The following SCHIP1 variants were observed in gnomAD, a reference collection of about 807,000 sequenced individuals.
The protein encoded by SCHIP1 is schwannomin interacting protein 1.
A neutral mutation model predicts 29.7 loss-of-function variants in SCHIP1; 8 were observed. The observed-to-expected ratio is 0.27, with a 90% confidence interval of 0.16 to 0.49. The LOEUF is 0.49. Among genes scored for constraint, SCHIP1 ranks in the 20% least tolerant of loss-of-function variants. The pLI is 0.99. For missense variants in SCHIP1, 193 were observed against 294.6 expected (o/e 0.66, Z 2.52); for synonymous variants, 76 against 94.9 (o/e 0.80, Z 1.16).
chr3:159,638,630 A>G, the SCHIP1 span, among the ~76,000 whole-genome samples: 1 of 151,666 alleles, frequency 6.6e-6, no homozygotes, highest in South Asian at 2.1e-4. Context: ...AAAAAAAAAA[A>G]ACAGCTAGAG....
chr3:159,310,624 C>A, the SCHIP1 span, among the ~76,000 whole-genome samples: 1 of 152,060 alleles, frequency 6.6e-6, no homozygotes. Flanking sequence ...TTTTTATGGA[C>A]AGACTGTATA....
the SCHIP1 span, among the ~76,000 whole-genome samples, chr3:159,539,139 G>A: frequency 1.3e-5 from 2 of 152,086 alleles, no homozygotes; most frequent in Non-Finnish European, 2.9e-5. Flanking sequence ...TGGCATATTA[G>A]AGAACGCAGT....
the SCHIP1 span, among the ~76,000 whole-genome samples, chr3:159,709,758 G>A: frequency 1.3e-5 from 2 of 152,204 alleles, no homozygotes. Context: ...GAAGCAGAGG[G>A]AACTAAGGAA....
At chr3:159,363,948 AT>A in the SCHIP1 span, among the ~76,000 whole-genome samples, 3 of 152,356 alleles carry the variant, frequency 2.0e-5, no homozygotes, top group East Asian at 5.8e-4. Context: ...ACTCTTCAAC[AT>A]TTTTAAAATG....
chr3:159,764,479 G>A, the SCHIP1 span: 1 of 1,591,126 alleles, frequency 6.3e-7, no homozygotes, highest in Non-Finnish European at 8.5e-7. The surrounding 1 kb of genome is among the most constrained non-coding windows in gnomAD (Gnocchi z 6.1). Flanking sequence ...AGGCAGTGAC[G>A]CCGGCAGCAG....
At chr3:159,465,383 G>A in the SCHIP1 span, among the ~76,000 whole-genome samples, 1 of 151,564 alleles carries the variant, frequency 6.6e-6, no homozygotes, top group Non-Finnish European at 1.5e-5. Flanking sequence ...GAGAAAGAGA[G>A]AGAAAGAGAG....
chr3:159,588,953 T>C, the SCHIP1 span, among the ~76,000 whole-genome samples: 1 of 152,328 alleles, frequency 6.6e-6, no homozygotes, highest in South Asian at 2.1e-4. Flanking sequence ...TGGGCTCTTT[T>C]TTGGTTGCAT....
chr3:159,475,888 C>A, the SCHIP1 span, among the ~76,000 whole-genome samples: 5 of 152,120 alleles, frequency 3.3e-5, no homozygotes, highest in African/African-American at 1.2e-4. Flanking sequence ...GCTTTCATAA[C>A]AAGGTCTTGG....
At chr3:159,800,746 G>A in the SCHIP1 span, among the ~76,000 whole-genome samples, 8 of 151,080 alleles carry the variant, frequency 5.3e-5, no homozygotes, top group African/African-American at 1.9e-4. Flanking sequence ...GCAGAGGTAT[G>A]TGTGCGAGCT....
chr3:159,498,295 G>A, the SCHIP1 span, among the ~76,000 whole-genome samples: 7 of 152,246 alleles, frequency 4.6e-5, no homozygotes, highest in East Asian at 1.4e-3. Flanking sequence ...AGGAATAATT[G>A]TCTTGTTCAA....
chr3:159,527,703 G>GA, the SCHIP1 span, among the ~76,000 whole-genome samples: 1 of 152,184 alleles, frequency 6.6e-6, no homozygotes, highest in African/African-American at 2.4e-5. Flanking sequence ...AAATGGATCT[G>GA]AAAATCTATT....
the SCHIP1 span, among the ~76,000 whole-genome samples, chr3:159,558,481 A>G: frequency 6.6e-6 from 1 of 152,234 alleles, no homozygotes; most frequent in Non-Finnish European, 1.5e-5. Context: ...CAGGACAATA[A>G]GAGAATCTGG....
At chr3:159,679,547 T>C in the SCHIP1 span, among the ~76,000 whole-genome samples, 7 of 152,326 alleles carry the variant, frequency 4.6e-5, no homozygotes, top group African/African-American at 1.7e-4. Flanking sequence ...GGAGGATCCG[T>C]GTCTGGCCTT....
At chr3:159,411,346 G>C in the SCHIP1 span, among the ~76,000 whole-genome samples, 2 of 152,048 alleles carry the variant, frequency 1.3e-5, no homozygotes, top group African/African-American at 4.8e-5. Flanking sequence ...CATTTATCTT[G>C]ATGTGATTGT....
At chr3:159,401,137 G>T in the SCHIP1 span, 1 of 966,338 alleles carries the variant, frequency 1.0e-6, no homozygotes, top group Non-Finnish European at 1.2e-6. Flanking sequence ...CAACTTGAAG[G>T]CCTCAAGTGT....
the SCHIP1 span, among the ~76,000 whole-genome samples, chr3:159,686,697 G>A: frequency 5.3e-5 from 8 of 152,154 alleles, no homozygotes; most frequent in Admixed American, 3.3e-4. Flanking sequence ...TAATCCATAT[G>A]AGAAATTTTT....
the SCHIP1 span, among the ~76,000 whole-genome samples, chr3:159,327,742 G>A: frequency 6.6e-6 from 1 of 152,118 alleles, no homozygotes; most frequent in Non-Finnish European, 1.5e-5. Context: ...ATTGTGGAAT[G>A]AGACTCTGGT....
At chr3:159,389,314 C>T in the SCHIP1 span, among the ~76,000 whole-genome samples, 1 of 151,964 alleles carries the variant, frequency 6.6e-6, no homozygotes, top group Non-Finnish European at 1.5e-5. Context: ...TTTTTCCAAA[C>T]ATTACTAATC....
the SCHIP1 span, among the ~76,000 whole-genome samples, chr3:159,581,871 A>G: frequency 6.6e-6 from 1 of 152,180 alleles, no homozygotes; most frequent in South Asian, 2.1e-4. Context: ...TTCTATAAAC[A>G]GTATAATCAC....
Sources: allele counts gnomAD v4.1 joint callset (sites outside exome capture counted in the v4.1 genomes callset), GRCh38; gene constraint gnomAD v4.1.1; non-coding constraint Gnocchi (gnomAD v3.1); transcripts MANE v1.5; gene names NCBI Gene and HGNC (gene_info 2026-07-23, HGNC 2026-07-21).